KIF27: variants seen among roughly 807,000 people sequenced by gnomAD.
KIF27 encodes kinesin family member 27, also known as kinesin-like protein KIF27.
In KIF27, 84 loss-of-function variants were observed where a neutral mutation model predicts 141.8. The ratio of observed to expected loss-of-function variants is 0.59; its 90% CI spans 0.50 to 0.71. The LOEUF (loss-of-function observed/expected upper bound fraction) is 0.71. KIF27 is among the 30% of genes least tolerant of loss of function. The pLI is 0.00. For missense variants in KIF27, 1,306 were observed against 1,628.4 expected (o/e 0.80, Z 3.41); for synonymous variants, 471 against 569.5 (o/e 0.83, Z 2.46).
At chr9:83,897,478 T>C (rs1342910516) in intron 5 of KIF27, among the ~76,000 whole-genome samples, 2 of 152,184 alleles carry the variant, frequency 1.3e-5, no homozygotes, top group Admixed American at 6.5e-5. Context: ...TGGAGGACTA[T>C]ACAGCTAAAT....
chr9:83,867,938 T>C (rs1950504179), intron 12 of KIF27, 78 bp from the exon 13 acceptor site: 1 of 1,354,618 alleles, frequency 7.4e-7, no homozygotes, highest in Non-Finnish European at 9.9e-7. Flanking sequence ...GAATTTCAGA[T>C]TGGCTGAAAT....
intron 13 of KIF27, among the ~76,000 whole-genome samples, chr9:83,865,051 T>G (rs1198523077): frequency 1.3e-5 from 2 of 152,174 alleles, no homozygotes; most frequent in African/African-American, 4.8e-5. Context: ...CATCCCTTTA[T>G]TTTGAGCCTA....
chr9:83,907,939 T>C (rs1328655181), intron 3 of KIF27, among the ~76,000 whole-genome samples: 5 of 152,138 alleles, frequency 3.3e-5, no homozygotes, highest in Non-Finnish European at 7.3e-5. Flanking sequence ...TACCAACCAG[T>C]CTGAACTACT....
chr9:83,848,272 G>T lies in KIF27; in HGVS notation c.3556+1827C>A, dbSNP rs12343397. Among the ~76,000 whole-genome samples the T allele has an allele frequency of 2.4e-3, 177 of 72,608 alleles. 21 individuals are homozygous for T. The highest frequency in any genetic ancestry group is 6.4e-3 in the African/African-American group (111 of 17,438). The allele number at this position is 72,608 out of a possible 152,430, so 47.6% of individuals were successfully genotyped here. ...CAGATATGATATATATGATATATCA[G>T]ATATGATATATATGATATATCAGAT... On this transcript the variant is annotated intron_variant, in intron 16 of 17. Coordinates refer to ENST00000297814, the MANE Select transcript of KIF27 (RefSeq NM_017576.4).
chr9:83,865,894 AT>A (rs1042366988), intron 13 of KIF27, among the ~76,000 whole-genome samples: 2 of 152,186 alleles, frequency 1.3e-5, no homozygotes, highest in African/African-American at 2.4e-5. Context: ...GGGCTTCCAA[AT>A]TTAAGAGTTT....
At chr9:83,867,029 C>T (rs1223123092) in intron 13 of KIF27, among the ~76,000 whole-genome samples, 1 of 147,736 alleles carries the variant, frequency 6.8e-6, no homozygotes, top group Non-Finnish European at 1.5e-5. Flanking sequence ...CCCTAGGTAA[C>T]CACTATTCTA....
intron 5 of KIF27, among the ~76,000 whole-genome samples, chr9:83,893,465 A>T (rs1952872474): frequency 6.6e-6 from 1 of 152,136 alleles, no homozygotes; most frequent in Non-Finnish European, 1.5e-5. Context: ...ATGTTATCTG[A>T]TCACAATGCA....
chr9:83,895,848 A>C (rs1220315299), intron 5 of KIF27, among the ~76,000 whole-genome samples: 3 of 152,114 alleles, frequency 2.0e-5, no homozygotes, highest in Non-Finnish European at 4.4e-5. Flanking sequence ...ATTTGAGGTC[A>C]GGAGTGATTG....
intron 4 of KIF27, among the ~76,000 whole-genome samples, chr9:83,901,689 A>C (rs532012174): frequency 1.4e-3 from 215 of 152,168 alleles, no homozygotes; most frequent in Non-Finnish European, 2.6e-3. Flanking sequence ...CCTGGCCAAC[A>C]TGGTGAAACC....
At chr9:83,847,185 T>C (rs1422839037) in intron 16 of KIF27, among the ~76,000 whole-genome samples, 2 of 152,134 alleles carry the variant, frequency 1.3e-5, no homozygotes, top group Admixed American at 1.3e-4. Context: ...ACAGAATGGG[T>C]AGCAGAAGAA....
chr9:83,848,070 G>GATATATCATATATCTGAT lies in KIF27; in HGVS notation c.3556+2028_3556+2029insATCAGATATATGATATAT, dbSNP rs10622451. 3.2e-4 allele frequency among the ~76,000 whole-genome samples: 14 copies of GATATATCATATATCTGAT among 43,240 alleles called. 3 individuals are homozygous for GATATATCATATATCTGAT. Among genetic ancestry groups the GATATATCATATATCTGAT allele is most frequent in the African/African-American group, 2.2e-3 (13 of 5,992 alleles). The allele number at this position is 43,240 out of a possible 152,430, so 28.4% of individuals were successfully genotyped here. A position where few individuals can be genotyped will look rare whatever the true frequency, so the allele number is the denominator to read the frequency against. Reference sequence around the variant, plus strand: ...ACATATATCTATATATCATATATATGATATATGATATATCATATATATGAT... The same window carrying GATATATCATATATCTGAT: ...ACATATATCTATATATCATATATATGATATATCATATATCTGATATATATGATATATCATATATATGAT... On this transcript the variant is annotated intron_variant, in intron 16 of 17. Coordinates refer to ENST00000297814, the MANE Select transcript of KIF27 (RefSeq NM_017576.4).
rs141429420 is a variant in KIF27 at position 83,850,256 on chromosome 9, A to T, written c.3399T>A (p.Tyr1133Ter). ...LREAERKQQLYNEEMKMKVLE... is the reference protein window; with the variant it reads ...LREAERKQQL ...GAACTTTCATTTTCATTTCTTCATT[A>T]TATAACTGTTGTTTCCGTTCAGCTT... Residue 1133 changes from tyrosine to a stop codon, truncating the protein, a stop_gained, in exon 16 of 18, where the codon TAT (tyrosine) becomes TAA (stop). Transcript: ENST00000297814. LOFTEE classifies it high-confidence loss of function. The T allele has an allele frequency of 7.0e-5, 113 of 1,613,756 alleles. No individual in the cohort carries two copies. Among genetic ancestry groups the T allele is most frequent in the Non-Finnish European group, 8.8e-5 (104 of 1,179,788 alleles).
intron 5 of KIF27, among the ~76,000 whole-genome samples, chr9:83,892,726 T>C (rs926289572): frequency 2.0e-5 from 3 of 152,146 alleles, no homozygotes; most frequent in East Asian, 3.8e-4. Flanking sequence ...AGAGATACCA[T>C]GTAAATATTA....
Position 83,908,499 on chromosome 9 carries a change from G to C in KIF27, c.452C>G (p.Thr151Arg), listed in dbSNP as rs372555424. ...EDLRDLLELE[T>R]SMKDLHIRED... is the part of the protein sequence containing the mutation. Reference sequence around the variant, plus strand: ...TCGGATGTGAAGATCCTTCATGGATGTCTCCAATTCTAGAAGATCTCTTAG... The same window carrying C: ...TCGGATGTGAAGATCCTTCATGGATCTCTCCAATTCTAGAAGATCTCTTAG... The change falls in exon 3 of 18, where the codon ACA (threonine) becomes AGA (arginine). Residue 151 changes from threonine to arginine, a missense_variant. This residue lies in a region of KIF27 where 533 missense variants were observed against 565.6 expected (regional missense o/e 0.94). Transcript: ENST00000297814. 1.2e-6 allele frequency: 2 copies of C among 1,612,286 alleles called. No homozygotes were observed. The highest frequency in any genetic ancestry group is 1.7e-6 in the Non-Finnish European group (2 of 1,178,982).
At chr9:83,877,814 C>G (rs949609896) in intron 11 of KIF27, among the ~76,000 whole-genome samples, 1 of 152,008 alleles carries the variant, frequency 6.6e-6, no homozygotes, top group Non-Finnish European at 1.5e-5. Flanking sequence ...ACAACAAAGA[C>G]AAAGAACCAA....
intron 4 of KIF27, 100 bp downstream of exon 4, chr9:83,902,960 A>G: frequency 1.5e-6 from 1 of 656,898 alleles, no homozygotes; most frequent in Non-Finnish European, 2.5e-6. Context: ...AGTTATCCAT[A>G]ACAATGTCTA....
chr9:83,880,547 C>A (rs1951591821), intron 10 of KIF27, 53 bp from the exon 11 acceptor site: 6 of 1,274,648 alleles, frequency 4.7e-6, no homozygotes, highest in Non-Finnish European at 6.6e-6. Flanking sequence ...TCACAATCCT[C>A]AACTAAACTT....
intron 16 of KIF27, among the ~76,000 whole-genome samples, chr9:83,843,139 A>C (rs1430550952): frequency 6.8e-6 from 1 of 147,846 alleles, no homozygotes; most frequent in Non-Finnish European, 1.5e-5. Flanking sequence ...AGGCCCAAGA[A>C]ATATACAGCC....
intron 5 of KIF27, among the ~76,000 whole-genome samples, chr9:83,891,888 G>A (rs2132383177): frequency 6.6e-6 from 1 of 152,268 alleles, no homozygotes; most frequent in East Asian, 1.9e-4. Flanking sequence ...AAGAATTGTA[G>A]GCAGCAGAGT....
Sources: allele counts gnomAD v4.1 joint callset (sites outside exome capture counted in the v4.1 genomes callset), GRCh38; gene constraint gnomAD v4.1.1; regional missense constraint gnomAD v4.1.1; transcripts MANE v1.5; gene names NCBI Gene and HGNC (gene_info 2026-07-23, HGNC 2026-07-21).